The following GRIA1 variants were observed in gnomAD, a reference collection of about 807,000 sequenced individuals.
GRIA1 encodes the protein glutamate ionotropic receptor AMPA type subunit 1.
A neutral mutation model predicts 99.2 loss-of-function variants in GRIA1; 31 were observed. The observed-to-expected ratio is 0.31, with a 90% confidence interval of 0.23 to 0.42. GRIA1 has a LOEUF of 0.42. Ranked by LOEUF, GRIA1 falls within the 10% of genes least tolerant of loss-of-function variation. GRIA1 has a pLI of 1.00. For missense variants in GRIA1, 782 were observed against 1,157.5 expected, an observed-to-expected ratio of 0.68 and a Z score of 4.71; for synonymous variants, 438 against 432.4, an observed-to-expected ratio of 1.01 and a Z score of -0.16.
Position 153,674,639 on chromosome 5 carries a change from G to A in GRIA1, c.839G>A (p.Arg280Gln), listed in dbSNP as rs538018115. ...AATAGTGATGCTCGAGACCACACAC[G>A]GGTGGACTGGAAGAGACCCAAGGTG... ...WKNSDARDHT[R>Q]VDWKRPKYTS... Residue 280 changes from arginine (R) to glutamine (Q), a missense_variant, in exon 6 of 16, where the codon CGG (arginine) becomes CAG (glutamine). By Grantham distance (43) the Arg-to-Gln change is conservative. Coordinates refer to ENST00000285900, the MANE Select transcript of GRIA1 (RefSeq NM_000827.4). 60 of 1,613,962 alleles carry A rather than the reference G, an allele frequency of 3.7e-5. No individual in the cohort carries two copies. The highest frequency in any genetic ancestry group is 1.1e-4 in the South Asian group (10 of 91,082).
chr5:153,663,999 T>TGA (rs775705727), intron 5 of GRIA1, among the ~76,000 whole-genome samples: 3 of 152,238 alleles, frequency 2.0e-5, no homozygotes, highest in Non-Finnish European at 2.9e-5. Flanking sequence ...ATGATTGCTC[T>TGA]GACAGAGCAT....
chr5:153,644,461 A>T (rs1383192236), intron 2 of GRIA1, among the ~76,000 whole-genome samples: 3 of 152,112 alleles, frequency 2.0e-5, no homozygotes, highest in Admixed American at 6.6e-5. Flanking sequence ...TGCAGGTCAT[A>T]TGCCCTCATC....
At chr5:153,699,394 C>T (rs1203913650) in intron 10 of GRIA1, among the ~76,000 whole-genome samples, 1 of 152,194 alleles carries the variant, frequency 6.6e-6, no homozygotes, top group Non-Finnish European at 1.5e-5. Context: ...TTGTGGCTCT[C>T]TCAGTATCAG....
intron 7 of GRIA1, among the ~76,000 whole-genome samples, chr5:153,684,024 G>A (rs1044102246): frequency 3.9e-5 from 6 of 152,028 alleles, no homozygotes; most frequent in East Asian, 1.9e-4. Flanking sequence ...CCTGTGTTTC[G>A]GCGAACACTT....
intron 2 of GRIA1, among the ~76,000 whole-genome samples, chr5:153,603,214 T>C (rs925091318): frequency 2.0e-5 from 3 of 152,136 alleles, no homozygotes; most frequent in African/African-American, 7.2e-5. Context: ...AGAATGATGA[T>C]TTCCAATTTC....
At chr5:153,600,391 C>CA (rs57395601) in intron 2 of GRIA1, among the ~76,000 whole-genome samples, 6,608 of 51,410 alleles carry the variant, frequency 0.13, 1,520 homozygotes, top group East Asian at 0.58. Context: ...GACTCCATCT[C>CA]AAAAAAAAAA....
chr5:153,662,839 GAC>G (rs1755468952), intron 5 of GRIA1, among the ~76,000 whole-genome samples: 1 of 152,170 alleles, frequency 6.6e-6, no homozygotes, highest in Non-Finnish European at 1.5e-5. Flanking sequence ...CAGAGACAGA[GAC>G]AGAGAGGGAG....
At chr5:153,685,629 A>G (rs1757287235) in intron 7 of GRIA1, among the ~76,000 whole-genome samples, 1 of 152,246 alleles carries the variant, frequency 6.6e-6, no homozygotes, top group South Asian at 2.1e-4. Context: ...TTAGAGAGCT[A>G]AATTGCCTGA....
chr5:153,647,694 G>C (rs2149454382), intron 3 of GRIA1, among the ~76,000 whole-genome samples: 1 of 152,218 alleles, frequency 6.6e-6, no homozygotes. Flanking sequence ...TTCTTTCTCT[G>C]TTTTAGATGT....
chr5:153,692,924 A>G (rs1310287841), intron 8 of GRIA1, among the ~76,000 whole-genome samples: 1 of 152,200 alleles, frequency 6.6e-6, no homozygotes, highest in Admixed American at 6.5e-5. Flanking sequence ...CAAATTTAAT[A>G]AAATAACACC....
chr5:153,766,465 A>C (rs1023343731), intron 12 of GRIA1, among the ~76,000 whole-genome samples: 1 of 152,196 alleles, frequency 6.6e-6, no homozygotes, highest in African/African-American at 2.4e-5. Flanking sequence ...TCCTCAAAGT[A>C]CTTTTGCACC....
At chr5:153,645,601 A>G (rs905871092) in intron 2 of GRIA1, among the ~76,000 whole-genome samples, 24 of 152,196 alleles carry the variant, frequency 1.6e-4, no homozygotes, top group Non-Finnish European at 8.8e-5. Flanking sequence ...GGGACAAAGT[A>G]TGCACCATTT....
chr5:153,578,131 G>A (rs796859778), intron 2 of GRIA1, among the ~76,000 whole-genome samples: 65 of 107,678 alleles, frequency 6.0e-4, no homozygotes, highest in African/African-American at 2.2e-3. Context: ...AGCCTGAGCA[G>A]CAGAGAGAGA....
At chr5:153,529,649 C>T (rs957820318) in intron 2 of GRIA1, among the ~76,000 whole-genome samples, 13 of 152,076 alleles carry the variant, frequency 8.5e-5, no homozygotes, top group African/African-American at 1.4e-4. Flanking sequence ...TGAGAAGAAA[C>T]GTGCAGGATT....
chr5:153,578,813 C>G (rs1762798265), intron 2 of GRIA1, among the ~76,000 whole-genome samples: 1 of 152,130 alleles, frequency 6.6e-6, no homozygotes, highest in African/African-American at 2.4e-5. Context: ...GAGGCTGAGG[C>G]AGGAGAATTG....
At position 153,677,275 on chromosome 5, in the gene GRIA1, G is replaced by A. The variant is rs770035156; in HGVS notation, c.1029+114G>A. ...AAAGGAAGAAAATGCCTGAAGTTCA[G>A]AACAACCACTGCATTGTTGGTGTTG... is the stretch of plus-strand genomic sequence containing the variant. On this transcript the variant is annotated intron_variant, in intron 7 of 15. Transcript: ENST00000285900. 1.1e-5 allele frequency: 9 copies of A among 821,094 alleles called. No homozygotes were observed. The Middle Eastern group carries it at 1.3e-3, about 119-fold the overall frequency. The allele number at this position is 821,094 out of a possible 1,614,324, so 50.9% of individuals were successfully genotyped here. A position where few individuals can be genotyped will look rare whatever the true frequency, so the allele number is the denominator to read the frequency against.
At chr5:153,719,006 C>T (rs550651549) in intron 11 of GRIA1, among the ~76,000 whole-genome samples, 1 of 152,322 alleles carries the variant, frequency 6.6e-6, no homozygotes, top group East Asian at 1.9e-4. Flanking sequence ...GGCAGTGACC[C>T]TTCCCTGCCA....
intron 12 of GRIA1, among the ~76,000 whole-genome samples, chr5:153,765,895 A>G (rs1763485888): frequency 2.6e-5 from 4 of 152,210 alleles, no homozygotes. Context: ...AATTAAAAGA[A>G]TCACCTAAGA....
Position 153,811,137 on chromosome 5 carries a change from T to A in GRIA1, c.2633T>A (p.Val878Glu). ...GGCGGCAGTGGAGAGAATGGTCGGGTGGTCAGCCATGACTTCCCCAAGTCC... is the reference window on the plus strand; with the variant it reads ...GGCGGCAGTGGAGAGAATGGTCGGGAGGTCAGCCATGACTTCCCCAAGTCC... ...SSGGSGENGR[V>E]VSHDFPKSMQ... The change falls in exon 16 of 16, where the codon GTG becomes GAG. Residue 878 changes from valine (V) to glutamate (E), a missense_variant. Physicochemically the swap from Val to Glu is moderately radical, Grantham distance 121 (BLOSUM62 -2). Coordinates refer to ENST00000285900, the MANE Select transcript of GRIA1 (RefSeq NM_000827.4). 6.2e-7 allele frequency: 1 copy of A among 1,614,028 alleles called. No individual in the cohort carries two copies. Among genetic ancestry groups the A allele is most frequent in the Non-Finnish European group, 8.5e-7 (1 of 1,179,964 alleles).
Sources: gnomAD v4.1 joint callset for allele counts (sites outside exome capture counted in the v4.1 genomes callset) on GRCh38, gnomAD v4.1.1 for gene constraint, MANE v1.5 for transcripts, NCBI Gene and HGNC (gene_info 2026-07-23, HGNC 2026-07-21) for gene names.